The following CDCA7 variants were observed in gnomAD, a reference collection of about 807,000 sequenced individuals.
CDCA7 encodes the protein cell division cycle-associated protein 7.
In CDCA7, 28 loss-of-function variants were observed where a neutral mutation model predicts 54.0. That is an observed-to-expected ratio of 0.52 (90% confidence interval 0.38 to 0.71). The LOEUF is 0.71. Ranked by LOEUF, CDCA7 falls within the 30% of genes least tolerant of loss-of-function variation. The pLI is 0.00. For missense variants in CDCA7, 484 were observed against 586.0 expected (o/e 0.83, Z 1.80); for synonymous variants, 180 against 208.2 (o/e 0.86, Z 1.16).
At chr2:173,359,146 C>G (rs768919236) in intron 2 of CDCA7, 109 bp from the exon 3 acceptor site, 132 of 890,084 alleles carry the variant, frequency 1.5e-4, no homozygotes, top group African/African-American at 7.4e-4. Context: ...AAAAGCTGTT[C>G]TCTTGTAGTG....
intron 6 of CDCA7, 38 bp downstream of exon 6, chr2:173,365,027 C>T (rs1686693892): frequency 6.6e-7 from 1 of 1,525,726 alleles, no homozygotes; most frequent in Non-Finnish European, 8.7e-7. Flanking sequence ...TTCTGATTCT[C>T]ATCTTCGGTA....
intron 6 of CDCA7, 95 bp from the exon 7 acceptor site, chr2:173,365,357 C>A (rs1574220901): frequency 1.5e-6 from 2 of 1,367,646 alleles, no homozygotes; most frequent in African/African-American, 1.5e-5. Context: ...AGTTTTGAAT[C>A]TCTGTGTTTC....
At chr2:173,355,681 C>T (rs1237465869) in intron 1 of CDCA7, among the ~76,000 whole-genome samples, 1 of 151,016 alleles carries the variant, frequency 6.6e-6, no homozygotes, top group Non-Finnish European at 1.5e-5. Flanking sequence ...CCCCCACCCC[C>T]CACCCCCCAG....
chr2:173,361,262 AAGTTTTTGTGT>A (rs1032382708), intron 3 of CDCA7, among the ~76,000 whole-genome samples: 3 of 152,088 alleles, frequency 2.0e-5, no homozygotes, highest in East Asian at 3.8e-4. Context: ...ATTCATGTAC[AAGTTTTTGTGT>A]AGTTTTTGTG....
rs1000454945 is a variant in CDCA7, at chr2:173,368,437, T to C, written c.*773T>C. The C allele has an allele frequency of 1.3e-5, 2 of 152,232 alleles. No homozygotes were observed. Among genetic ancestry groups the C allele is most frequent in the Non-Finnish European group, 1.5e-5 (1 of 68,042 alleles). 9.4% of individuals were successfully genotyped at this position (152,232 alleles called of 1,614,324 possible). ...ATAAAACTTTAGTATAATTGTAGTTTGCAAAGTTTATTTCAGTTCACATGT... is the reference window on the plus strand; with the variant it reads ...ATAAAACTTTAGTATAATTGTAGTTCGCAAAGTTTATTTCAGTTCACATGT... On this transcript the variant is annotated 3_prime_UTR_variant, in exon 10 of 10. Transcript: ENST00000306721.
chr2:173,355,398 G>T (rs115659185), intron 1 of CDCA7, among the ~76,000 whole-genome samples: 2 of 152,082 alleles, frequency 1.3e-5, no homozygotes, highest in Non-Finnish European at 2.9e-5. Flanking sequence ...CTCGGAGCCA[G>T]TGCGTGGCTC....
At position 173,366,908 on chromosome 2, in the gene CDCA7, C is replaced by T. The variant is rs1348075557; in HGVS notation, c.1186-242C>T. On this transcript the variant is annotated intron_variant, in intron 8 of 9. Transcript: ENST00000306721. This position sits in a 1 kb window ranked among gnomAD's most constrained non-coding sequence, Gnocchi z 4.5. ...GGGATGGTGCTGCATAGGCATGAGCCGCTTCTACGATACTCGGGTCTGAAC... is the reference window on the plus strand; with the variant it reads ...GGGATGGTGCTGCATAGGCATGAGCTGCTTCTACGATACTCGGGTCTGAAC... 2.0e-5 allele frequency among the ~76,000 whole-genome samples: 3 copies of T among 152,140 alleles called. No homozygotes were observed. The highest frequency in any genetic ancestry group is 1.9e-4 in the East Asian group (1 of 5,184).
At chr2:173,362,973 T>A (rs1482163102) in intron 3 of CDCA7, among the ~76,000 whole-genome samples, 2 of 152,096 alleles carry the variant, frequency 1.3e-5, no homozygotes, top group East Asian at 1.9e-4. Flanking sequence ...TTTAACATTT[T>A]AAAAAAAGGC....
intron 3 of CDCA7, among the ~76,000 whole-genome samples, chr2:173,360,418 A>T (rs35715350): frequency 0.063 from 9,590 of 152,246 alleles, 391 homozygotes; most frequent in Non-Finnish European, 0.087. Flanking sequence ...AACTCATGAA[A>T]GGTTTTTGTT....
rs1288881161 is a variant in CDCA7, at chr2:173,366,095, G to A, written c.1036-188G>A. On this transcript the variant is annotated intron_variant, in intron 7 of 9. Coordinates refer to ENST00000306721, the MANE Select transcript of CDCA7 (RefSeq NM_031942.5). This position sits in a 1 kb window ranked among gnomAD's most constrained non-coding sequence, Gnocchi z 4.5. The stretch of plus-strand genomic sequence containing the variant: ...TCTCCTCAGTCTCCCGGAATGCTGG[G>A]GTTACAGGTGTGAGCCACTGCACCT... 6.6e-6 allele frequency among the ~76,000 whole-genome samples: 1 copy of A among 152,092 alleles called. No individual in the cohort carries two copies. Among genetic ancestry groups the A allele is most frequent in the Non-Finnish European group, 1.5e-5 (1 of 68,010 alleles).
chr2:173,365,693 A>C lies in CDCA7; in HGVS notation c.1035+101A>C, dbSNP rs186999394. 9.5e-4 allele frequency: 1,248 copies of C among 1,310,842 alleles called. 4 individuals carry two copies. Among genetic ancestry groups the C allele is most frequent in the Middle Eastern group, 1.7e-3 (7 of 4,144 alleles). The allele number at this position is 1,310,842 out of a possible 1,614,324, so 81.2% of individuals were successfully genotyped here. A position where few individuals can be genotyped will look rare whatever the true frequency, so the allele number is the denominator to read the frequency against. On this transcript the variant is annotated intron_variant, in intron 7 of 9. Transcript: ENST00000306721. ...CAGGTTCTAAAGGGCCTAGCATGTG[A>C]AATCTGTACCTATATGTTTTTTTCA... is the stretch of plus-strand genomic sequence containing the variant.
At position 173,367,914 on chromosome 2, in the gene CDCA7, A is replaced by G. The variant is rs1686753994; in HGVS notation, c.*250A>G. The G allele has an allele frequency of 3.7e-6, 2 of 545,438 alleles. No individual in the cohort carries two copies. The highest frequency in any genetic ancestry group is 6.5e-6 in the Non-Finnish European group (2 of 308,624). 33.8% of individuals were successfully genotyped at this position (545,438 alleles called of 1,614,324 possible). A position where few individuals can be genotyped will look rare whatever the true frequency, so the allele number is the denominator to read the frequency against. The stretch of plus-strand genomic sequence containing the variant: ...TCTCACAGCATCCCCCTCTATTTCC[A>G]ATGCTCCTCTCCAACCGCTTAGTTT... On this transcript the variant is annotated 3_prime_UTR_variant, in exon 10 of 10. Coordinates refer to ENST00000306721, the MANE Select transcript of CDCA7 (RefSeq NM_031942.5).
intron 7 of CDCA7, 132 bp downstream of exon 7, chr2:173,365,724 G>A (rs527706131): frequency 9.9e-7 from 1 of 1,012,654 alleles, no homozygotes; most frequent in East Asian, 2.7e-5. Context: ...TTTCACACAA[G>A]GAAGGAAAAG....
intron 3 of CDCA7, among the ~76,000 whole-genome samples, chr2:173,360,670 G>A (rs1056104308): frequency 6.6e-6 from 1 of 151,994 alleles, no homozygotes; most frequent in African/African-American, 2.4e-5. Context: ...AGAGATGTGG[G>A]CTCACTTTGT....
At chr2:173,367,351 G>A in intron 9 of CDCA7, 65 bp downstream of exon 9, 1 of 1,600,494 alleles carries the variant, frequency 6.2e-7, no homozygotes, top group African/African-American at 1.3e-5. Flanking sequence ...TTAATGAGAA[G>A]ATGATAGATG....
rs190123612 is a variant in CDCA7 at position 173,356,734 on chromosome 2, G to A, written c.21+1750G>A. On this transcript the variant is annotated intron_variant, in intron 1 of 9. Coordinates refer to ENST00000306721, the MANE Select transcript of CDCA7 (RefSeq NM_031942.5). ...TCCCCACGCTGGTCTCGAACTCGTG[G>A]GCTCAAGTGATCCTCCCACCTTGGC... Among the ~76,000 whole-genome samples, 18 of 152,214 alleles carry A rather than the reference G, an allele frequency of 1.2e-4. 1 individual carries two copies. In the East Asian group the frequency reaches 3.5e-3, roughly 29 times the overall value.
At chr2:173,367,328 A>G (rs1193300127) in intron 9 of CDCA7, 42 bp downstream of exon 9, 8 of 1,612,238 alleles carry the variant, frequency 5.0e-6, no homozygotes, top group Non-Finnish European at 6.8e-6. Context: ...TGAATTTTAT[A>G]TTCATTTATG....
At chr2:173,362,056 A>T (rs778826399) in intron 3 of CDCA7, among the ~76,000 whole-genome samples, 10 of 152,130 alleles carry the variant, frequency 6.6e-5, no homozygotes, top group Non-Finnish European at 1.2e-4. Flanking sequence ...ACGTCAGGTG[A>T]TCCGCCTGCC....
chr2:173,367,030 A>T, intron 8 of CDCA7, 120 bp from the exon 9 acceptor site: 2 of 1,356,004 alleles, frequency 1.5e-6, no homozygotes, highest in Non-Finnish European at 2.0e-6. Flanking sequence ...ATTAGGCATG[A>T]CTAATGCCTA....
Sources: allele counts gnomAD v4.1 joint callset (sites outside exome capture counted in the v4.1 genomes callset), GRCh38; gene constraint gnomAD v4.1.1; non-coding constraint Gnocchi (gnomAD v3.1); transcripts MANE v1.5; gene names NCBI Gene and HGNC (gene_info 2026-07-23, HGNC 2026-07-21).